The following NIPAL1 variants were observed in gnomAD, a reference collection of about 807,000 sequenced individuals.
NIPAL1 encodes the protein NIPA like domain containing 1.
In NIPAL1, 35 loss-of-function variants were observed where a neutral mutation model predicts 37.7. The ratio of observed to expected loss-of-function variants is 0.93; its 90% CI spans 0.71 to 1.23. The LOEUF (loss-of-function observed/expected upper bound fraction) is 1.23, where lower values mean the gene tolerates loss of function less well. NIPAL1 is among the 50% of genes most tolerant of loss of function. The pLI, the probability that NIPAL1 is intolerant of heterozygous loss-of-function variation, is 0.00. For synonymous variants in NIPAL1, 162 were observed against 183.0 expected (o/e 0.89, Z 0.93); for missense variants, 412 against 473.9 (o/e 0.87, Z 1.21).
At chr4:48,031,870 C>G (rs1715827594) in intron 3 of NIPAL1, among the ~76,000 whole-genome samples, 1 of 152,040 alleles carries the variant, frequency 6.6e-6, no homozygotes, top group Non-Finnish European at 1.5e-5. Context: ...TCCAGAGTAG[C>G]TGGGATTAAA....
rs750453463 is a variant in NIPAL1, at chr4:48,027,327, C to T, written c.313+1993C>T. On this transcript the variant is annotated intron_variant, in intron 2 of 5. Transcript: ENST00000295461. The surrounding 1 kb of genome is among the most constrained non-coding windows in gnomAD (Gnocchi z 4.1). ...GAAATGCAAATGACCAATAAACATA[C>T]GTAAGTAAATATTGTTTCACTAGTA... Among the ~76,000 whole-genome samples the T allele has an allele frequency of 3.1e-4, 47 of 152,178 alleles. No individual in the cohort carries two copies. Among genetic ancestry groups the T allele is most frequent in the Admixed American group, 1.1e-3 (17 of 15,290 alleles).
intron 1 of NIPAL1, among the ~76,000 whole-genome samples, chr4:48,018,238 C>A (rs192663858): frequency 6.6e-6 from 1 of 152,266 alleles, no homozygotes; most frequent in East Asian, 1.9e-4. Flanking sequence ...TCTAACCCAG[C>A]AAATCTGACA....
intron 1 of NIPAL1, among the ~76,000 whole-genome samples, chr4:48,020,369 G>A (rs935736990): frequency 4.6e-5 from 7 of 152,156 alleles, no homozygotes; most frequent in African/African-American, 1.7e-4. Context: ...ACTGGTTAGC[G>A]TTTGGAGAAT....
At chr4:48,022,829 A>AAG (rs1553873696) in intron 1 of NIPAL1, among the ~76,000 whole-genome samples, 1 of 151,516 alleles carries the variant, frequency 6.6e-6, no homozygotes, top group African/African-American at 2.4e-5. Context: ...ACAAAAAAAA[A>AAG]CTAAAAAAAT....
chr4:48,025,152 T>A lies in NIPAL1; in HGVS notation c.131T>A (p.Val44Glu). ...TNVSQLLASP[V>E]LYTDLNYSIN... ...GTGTCACAGCTGCTGGCTTCTCCTG[T>A]GCTCTACACGGACCTGAATTACAGC... Residue 44 changes from valine to glutamate, a missense_variant, in exon 2 of 6, where the codon GTG becomes GAG. Coordinates refer to ENST00000295461, the MANE Select transcript of NIPAL1 (RefSeq NM_207330.3). 1.2e-6 allele frequency: 2 copies of A among 1,613,924 alleles called. No homozygotes were observed. The highest frequency in any genetic ancestry group is 1.7e-6 in the Non-Finnish European group (2 of 1,179,922).
At chr4:48,028,282 A>G (rs1715736455) in intron 2 of NIPAL1, among the ~76,000 whole-genome samples, 1 of 152,148 alleles carries the variant, frequency 6.6e-6, no homozygotes, top group Admixed American at 6.5e-5. Context: ...GATACCTACA[A>G]CCAACTGATC....
intron 4 of NIPAL1, among the ~76,000 whole-genome samples, chr4:48,034,319 A>AT (rs146606497): frequency 0.098 from 14,754 of 151,204 alleles, 916 homozygotes; most frequent in East Asian, 0.26. Flanking sequence ...TTTTTTTGTG[A>AT]TTTTTTTTTC....
intron 1 of NIPAL1, among the ~76,000 whole-genome samples, chr4:48,022,839 T>A (rs1269338003): frequency 6.6e-6 from 1 of 151,438 alleles, no homozygotes; most frequent in Non-Finnish European, 1.5e-5. Context: ...ACTAAAAAAA[T>A]TAGTTGGGCA....
chr4:48,039,127 A>C lies in NIPAL1; in HGVS notation c.*2955A>C, dbSNP rs929730813. ...TTTGGGAGGCTGAGGCGGGTAGATC[A>C]CAAGGACAGGAGTTCAAGACCAGCC... On this transcript the variant is annotated 3_prime_UTR_variant, in exon 6 of 6. Transcript: ENST00000295461. 8.6e-5 allele frequency: 13 copies of C among 152,026 alleles called. No homozygotes were observed. The highest frequency in any genetic ancestry group is 4.6e-4 in the Admixed American group (7 of 15,254). The allele number at this position is 152,026 out of a possible 1,614,324, so 9.4% of individuals were successfully genotyped here. A position where few individuals can be genotyped will look rare whatever the true frequency, so the allele number is the denominator to read the frequency against.
At chr4:48,018,532 TG>T (rs1289843453) in intron 1 of NIPAL1, among the ~76,000 whole-genome samples, 1 of 152,234 alleles carries the variant, frequency 6.6e-6, no homozygotes, top group Non-Finnish European at 1.5e-5. Context: ...TTAGCTTCCT[TG>T]AGCATTTTCC....
intron 1 of NIPAL1, among the ~76,000 whole-genome samples, chr4:48,017,462 A>G (rs1295864950): frequency 2.1e-5 from 3 of 143,718 alleles, no homozygotes; most frequent in Non-Finnish European, 4.6e-5. Context: ...CTCCAAACCC[A>G]TGAGCCTGTC....
At position 48,035,463 on chromosome 4, in the gene NIPAL1, T is replaced by C. The variant is rs183147894; in HGVS notation, c.623-99T>C. ...TTTAATTTGATCTCACTTCTATTTC[T>C]AAAATACCTATGCTCTTAAACTCAT... On this transcript the variant is annotated intron_variant, in intron 5 of 5. Coordinates refer to ENST00000295461, the MANE Select transcript of NIPAL1 (RefSeq NM_207330.3). 1.4e-5 allele frequency: 16 copies of C among 1,104,330 alleles called. No homozygotes were observed. In the East Asian group the frequency reaches 1.9e-4, roughly 13 times the overall value. The allele number at this position is 1,104,330 out of a possible 1,614,324, so 68.4% of individuals were successfully genotyped here. A position where few individuals can be genotyped will look rare whatever the true frequency, so the allele number is the denominator to read the frequency against.
At chr4:48,025,564 A>G (rs1715668613) in intron 2 of NIPAL1, among the ~76,000 whole-genome samples, 1 of 152,216 alleles carries the variant, frequency 6.6e-6, no homozygotes, top group South Asian at 2.1e-4. Context: ...GTCACTATAA[A>G]TAGCAGCCTA....
rs760328015 is a variant in NIPAL1 at position 48,016,795 on chromosome 4, G to A, written c.-45G>A. On this transcript the variant is annotated 5_prime_UTR_variant, in exon 1 of 6. Transcript: ENST00000295461. ...CCGCGGGTGCGTGTGGAGAGGCCCA[G>A]GTGAGGAGCAAGCGCCCGCGTTCCG... The A allele has an allele frequency of 1.9e-6, 3 of 1,540,902 alleles. No individual in the cohort carries two copies. Among genetic ancestry groups the A allele is most frequent in the Non-Finnish European group, 2.6e-6 (3 of 1,147,800 alleles).
chr4:48,023,073 G>GT lies in NIPAL1; in HGVS notation c.47-1991dup, dbSNP rs376400933. ...TTCTGGATTTCTATTTCTTTGTTTT[G>GT]TTTTGTTTTTGTTTTTGTTTTTGTG... On this transcript the variant is annotated intron_variant, in intron 1 of 5. Coordinates refer to ENST00000295461, the MANE Select transcript of NIPAL1 (RefSeq NM_207330.3). Among the ~76,000 whole-genome samples the GT allele has an allele frequency of 2.9e-3, 437 of 151,260 alleles. 3 individuals carry two copies. The highest frequency in any genetic ancestry group is 9.4e-3 in the African/African-American group (388 of 41,254).
chr4:48,024,002 G>A (rs1715630847), intron 1 of NIPAL1, among the ~76,000 whole-genome samples: 1 of 130,190 alleles, frequency 7.7e-6, no homozygotes, highest in Non-Finnish European at 1.6e-5. Context: ...TTTGGAGATA[G>A]TCTCGTTCTG....
chr4:48,029,312 T>C (rs1227797789), intron 2 of NIPAL1, among the ~76,000 whole-genome samples: 1 of 152,192 alleles, frequency 6.6e-6, no homozygotes, highest in African/African-American at 2.4e-5. Context: ...CTAAGTGCAG[T>C]GACTCAGAAA....
rs765607997 is a variant in NIPAL1 at position 48,030,175 on chromosome 4, A to C, written c.369A>C (p.Ser123=). 7.0e-6 allele frequency: 11 copies of C among 1,577,826 alleles called. No homozygotes were observed. Among genetic ancestry groups the C allele is most frequent in the Non-Finnish European group, 8.7e-6 (10 of 1,147,388 alleles). The change falls in exon 3 of 6, where the codon TCA becomes TCC. Residue 123 remains serine (S), a splice_region_variant and synonymous_variant. Transcript: ENST00000295461. The stretch of plus-strand genomic sequence containing the variant: ...GGCTCTGGTGGGTAGGATTGCTGTC[A>C]AGTAAGTTTTTAATACTGAGAATAC... The part of the protein sequence containing the change: ...KEWLWWVGLL[S]MGAGEAANFA...
intron 1 of NIPAL1, among the ~76,000 whole-genome samples, chr4:48,019,756 G>C (rs1395457865): frequency 6.6e-6 from 1 of 152,204 alleles, no homozygotes; most frequent in Non-Finnish European, 1.5e-5. Flanking sequence ...GGAAGCCCTT[G>C]TGGAGTTTTG....
Sources: allele counts gnomAD v4.1 joint callset (sites outside exome capture counted in the v4.1 genomes callset), GRCh38; gene constraint gnomAD v4.1.1; non-coding constraint Gnocchi (gnomAD v3.1); transcripts MANE v1.5; gene names NCBI Gene and HGNC (gene_info 2026-07-23, HGNC 2026-07-21).